SKAP2: variants seen among roughly 807,000 people sequenced by gnomAD.
The protein encoded by SKAP2 is src kinase-associated phosphoprotein 2.
SKAP2 carries 28 observed loss-of-function variants against 54.9 expected under a neutral mutation model. The observed-to-expected ratio is 0.51, with a 90% CI of 0.38 to 0.70. SKAP2 has a LOEUF of 0.70. SKAP2 is among the 30% of genes least tolerant of loss of function. The pLI, the probability that SKAP2 is intolerant of heterozygous loss-of-function variation, is 0.00. For synonymous variants in SKAP2, 137 were observed against 134.3 expected (o/e 1.02, Z -0.14); for missense variants, 356 against 424.1 (o/e 0.84, Z 1.41).
At chr7:26,855,570 C>T (rs1291800462) in intron 1 of SKAP2, among the ~76,000 whole-genome samples, 3 of 152,062 alleles carry the variant, frequency 2.0e-5, no homozygotes, top group Non-Finnish European at 4.4e-5. Context: ...GGAAGAAGTA[C>T]AAACATAAGT....
At chr7:26,819,225 T>C (rs1482055414) in intron 4 of SKAP2, among the ~76,000 whole-genome samples, 1 of 152,138 alleles carries the variant, frequency 6.6e-6, no homozygotes, top group Non-Finnish European at 1.5e-5. Flanking sequence ...ATATACACCA[T>C]GCAATACTAT....
intron 9 of SKAP2, among the ~76,000 whole-genome samples, chr7:26,710,569 G>C (rs79653708): frequency 6.6e-6 from 1 of 152,100 alleles, no homozygotes; most frequent in Non-Finnish European, 1.5e-5. Context: ...TGGGATATGC[G>C]TGGGGAAAAT....
chr7:26,724,646 C>T (rs188214218), intron 9 of SKAP2, among the ~76,000 whole-genome samples: 18 of 152,206 alleles, frequency 1.2e-4, no homozygotes, highest in African/African-American at 4.3e-4. Flanking sequence ...ATACCTTTTT[C>T]TTCTCTAACT....
intron 11 of SKAP2, among the ~76,000 whole-genome samples, chr7:26,683,323 T>C (rs1371429405): frequency 6.6e-6 from 1 of 152,218 alleles, no homozygotes; most frequent in Non-Finnish European, 1.5e-5. Flanking sequence ...AGAGTTGTGA[T>C]GTGACTATCT....
chr7:26,670,738 G>A lies in SKAP2; in HGVS notation c.988-546C>T, dbSNP rs954578636. 5.9e-5 allele frequency among the ~76,000 whole-genome samples: 9 copies of A among 151,782 alleles called. No individual in the cohort carries two copies. The South Asian group carries it at 8.3e-4, about 14-fold the overall frequency. On this transcript the variant is annotated intron_variant, in intron 11 of 12. Transcript: ENST00000345317. Reference sequence around the variant, plus strand: ...CTTTAACAGATAAATTAGAGAATACGGAAACACTAATAATACCAAAAAACT... The same window carrying A: ...CTTTAACAGATAAATTAGAGAATACAGAAACACTAATAATACCAAAAAACT...
At chr7:26,754,174 G>T (rs1782740868) in intron 4 of SKAP2, among the ~76,000 whole-genome samples, 1 of 151,998 alleles carries the variant, frequency 6.6e-6, no homozygotes. Flanking sequence ...GACCAACCCA[G>T]CCAAGATGGT....
At chr7:26,861,722 TCAGA>T (rs749898662) in intron 1 of SKAP2, among the ~76,000 whole-genome samples, 19 of 148,122 alleles carry the variant, frequency 1.3e-4, no homozygotes, top group Non-Finnish European at 2.2e-4. Flanking sequence ...ACTGCCATAA[TCAGA>T]CAGAAAAATA....
intron 4 of SKAP2, among the ~76,000 whole-genome samples, chr7:26,750,168 GACA>G: frequency 6.6e-6 from 1 of 152,148 alleles, no homozygotes; most frequent in South Asian, 2.1e-4. Context: ...AACCGTGTCA[GACA>G]ACATCACTGA....
At chr7:26,732,930 T>C (rs1397591189) in intron 6 of SKAP2, among the ~76,000 whole-genome samples, 1 of 152,180 alleles carries the variant, frequency 6.6e-6, no homozygotes, top group Non-Finnish European at 1.5e-5. Context: ...CAGATGTACA[T>C]TTTAACTTCT....
At chr7:26,808,673 G>A (rs1290003931) in intron 4 of SKAP2, among the ~76,000 whole-genome samples, 1 of 152,126 alleles carries the variant, frequency 6.6e-6, no homozygotes, top group South Asian at 2.1e-4. Flanking sequence ...ACAAGCCTTG[G>A]AATAAGATGG....
intron 9 of SKAP2, among the ~76,000 whole-genome samples, chr7:26,692,733 A>G (rs1289685846): frequency 6.6e-6 from 1 of 152,218 alleles, no homozygotes; most frequent in Non-Finnish European, 1.5e-5. Context: ...CACTTATGCC[A>G]AACCTTAAAG....
intron 3 of SKAP2, among the ~76,000 whole-genome samples, chr7:26,845,644 G>A (rs1196892745): frequency 6.6e-6 from 1 of 152,182 alleles, no homozygotes; most frequent in Non-Finnish European, 1.5e-5. Flanking sequence ...GAAAAGAAGA[G>A]TGCTAGGCTG....
At chr7:26,768,410 T>C (rs1027263676) in intron 4 of SKAP2, among the ~76,000 whole-genome samples, 9 of 152,168 alleles carry the variant, frequency 5.9e-5, no homozygotes, top group Non-Finnish European at 1.2e-4. Context: ...TGACTCTTTA[T>C]ACAATTTGCA....
intron 11 of SKAP2, among the ~76,000 whole-genome samples, chr7:26,681,545 A>T (rs2128086229): frequency 6.6e-6 from 1 of 152,364 alleles, no homozygotes; most frequent in Admixed American, 6.5e-5. Context: ...TATTGAAAGT[A>T]TGCATCTTTT....
At chr7:26,706,752 T>G (rs1787166455) in intron 9 of SKAP2, among the ~76,000 whole-genome samples, 1 of 152,228 alleles carries the variant, frequency 6.6e-6, no homozygotes, top group African/African-American at 2.4e-5. Flanking sequence ...TAAAATAGGT[T>G]ATTTAAATTA....
chr7:26,756,549 T>C (rs956670316), intron 4 of SKAP2, among the ~76,000 whole-genome samples: 6 of 152,232 alleles, frequency 3.9e-5, no homozygotes, highest in African/African-American at 1.4e-4. Context: ...GGTATATATA[T>C]GTGCCACATT....
chr7:26,826,069 C>T (rs1784486647), intron 4 of SKAP2, among the ~76,000 whole-genome samples: 1 of 151,998 alleles, frequency 6.6e-6, no homozygotes, highest in Admixed American at 6.6e-5. Flanking sequence ...TACCCCTCTC[C>T]ACAAACTCTT....
intron 4 of SKAP2, among the ~76,000 whole-genome samples, chr7:26,769,039 C>G (rs1188136983): frequency 6.6e-6 from 1 of 152,066 alleles, no homozygotes; most frequent in Non-Finnish European, 1.5e-5. Flanking sequence ...TGGATAATAT[C>G]CTGAAGAGTA....
chr7:26,729,756 A>G (rs1414510753), intron 6 of SKAP2, among the ~76,000 whole-genome samples: 1 of 152,162 alleles, frequency 6.6e-6, no homozygotes, highest in African/African-American at 2.4e-5. Flanking sequence ...GAGGGCTGAC[A>G]AAAATACAAC....
Sources: allele counts gnomAD v4.1 joint callset (sites outside exome capture counted in the v4.1 genomes callset), GRCh38; gene constraint gnomAD v4.1.1; transcripts MANE v1.5; gene names NCBI Gene and HGNC (gene_info 2026-07-23, HGNC 2026-07-21).